Variants in FBN3 observed in about 807,000 individuals in gnomAD.
FBN3 encodes the protein fibrillin-3.
A neutral mutation model predicts 330.1 loss-of-function variants in FBN3; 234 were observed. That is an observed-to-expected ratio of 0.71 (90% CI 0.64 to 0.79). FBN3 has a LOEUF of 0.79. Among genes scored for constraint, FBN3 ranks in the 30% least tolerant of loss-of-function variants. The pLI is 0.00. For missense variants in FBN3, 3,606 were observed against 3,886.9 expected (o/e 0.93, Z 1.92); for synonymous variants, 1,458 against 1,517.3 (o/e 0.96, Z 0.91).
intron 40 of FBN3, 134 bp from the exon 41 acceptor site, chr19:8,101,106 C>A (rs2082318631): frequency 6.9e-6 from 4 of 577,282 alleles, no homozygotes; most frequent in Admixed American, 7.3e-5. Context: ...CTCTCCCCAC[C>A]CTTTCCCTCC....
At chr19:8,108,979 TTGAC>T (rs1171199810) in intron 36 of FBN3, among the ~76,000 whole-genome samples, 2 of 152,136 alleles carry the variant, frequency 1.3e-5, no homozygotes, top group African/African-American at 4.8e-5. Flanking sequence ...TCAATATTTG[TTGAC>T]TGACTGAGTG....
At position 8,109,315 on chromosome 19, in the gene FBN3, G is replaced by A. The variant is rs756961474; in HGVS notation, c.4530C>T (p.Ile1510=). The A allele has an allele frequency of 3.7e-5, 60 of 1,614,168 alleles. No homozygotes were observed. Among genetic ancestry groups the A allele is most frequent in the Admixed American group, 5.0e-5 (3 of 60,014 alleles). ...AGGAAGCTCGGGTGACACCAACTCC[G>A]ATCTCGGCACTGCAGGAAATGCCAC... ...GDSGISCSAE[I]GVGVTRASCC... is the part of the protein sequence containing the mutation. Residue 1510 remains isoleucine (I), a synonymous_variant, in exon 36 of 64, where the codon ATC becomes ATT. Transcript: ENST00000600128. The surrounding 1 kb of genome is among the most constrained non-coding windows in gnomAD (Gnocchi z 5.2).
chr19:8,147,482 G>A lies in FBN3; in HGVS notation c.-2C>T, dbSNP rs2083578757. On this transcript the variant is annotated 5_prime_UTR_variant, in exon 2 of 64. Coordinates refer to ENST00000600128, the MANE Select transcript of FBN3 (RefSeq NM_032447.5). ...CAAATACAGACCCTCCAGAGTCATGGCGTGTCCCCTGGAGGCTGCGGAGAG... is the reference window on the plus strand; with the variant it reads ...CAAATACAGACCCTCCAGAGTCATGACGTGTCCCCTGGAGGCTGCGGAGAG... 1.3e-6 allele frequency: 2 copies of A among 1,491,132 alleles called. No homozygotes were observed. The highest frequency in any genetic ancestry group is 1.8e-6 in the Non-Finnish European group (2 of 1,121,186). The allele number at this position is 1,491,132 out of a possible 1,614,324, so 92.4% of individuals were successfully genotyped here.
chr19:8,135,936 G>GGGGGGGGGGGGGGGGGGGCCCCCCCCCCC, intron 13 of FBN3, 25 bp downstream of exon 13: 11 of 668,750 alleles, frequency 1.6e-5, no homozygotes, highest in African/African-American at 2.0e-5. Context: ...GGAAGCCCCT[G>GGGGGGGGGGGGGGGGGGGCCCCCCCCCCC]CCCACCCGCC....
At position 8,096,816 on chromosome 19, in the gene FBN3, C is replaced by A. The variant is rs994142215; in HGVS notation, c.5413+65G>T. On this transcript the variant is annotated intron_variant, in intron 43 of 63. Coordinates refer to ENST00000600128, the MANE Select transcript of FBN3 (RefSeq NM_032447.5). This position sits in a 1 kb window ranked among gnomAD's most constrained non-coding sequence, Gnocchi z 4.6. The stretch of plus-strand genomic sequence containing the variant: ...GAGAAAGACCTGGACAGAGCCATAC[C>A]CCATCTAAGTCCCCATGGGTGACAG... The A allele has an allele frequency of 6.4e-6, 10 of 1,573,380 alleles. No homozygotes were observed. In the African/African-American group the frequency reaches 1.2e-4, roughly 19 times the overall value.
At chr19:8,144,261 C>T (rs967980517) in intron 6 of FBN3, among the ~76,000 whole-genome samples, 5 of 151,810 alleles carry the variant, frequency 3.3e-5, no homozygotes, top group East Asian at 1.9e-4. Context: ...ATTAGCTGAG[C>T]GTGGGGATGC....
Position 8,091,525 on chromosome 19 carries a change from T to A in FBN3, c.5971A>T (p.Ser1991Cys). Residue 1991 changes from serine (S) to cysteine (C), a missense_variant, in exon 48 of 64, where the codon AGC becomes TGC. Ser to Cys is a moderately radical substitution (Grantham distance 112). Transcript: ENST00000600128. Reference protein sequence around the residue: ...LFGTCTNSPGSFQCLCPPGFV... With the variant: ...LFGTCTNSPGCFQCLCPPGFV... ...CCAGGTGGGCAGAGGCACTGGAAGC[T>A]CCCAGGGCTGTTGGTACAGGTGCCA... is the stretch of plus-strand genomic sequence containing the variant. 1.9e-6 allele frequency: 3 copies of A among 1,614,112 alleles called. No homozygotes were observed. The South Asian group carries it at 3.3e-5, about 18-fold the overall frequency.
intron 36 of FBN3, 107 bp from the exon 37 acceptor site, chr19:8,108,345 A>C (rs1268520372): frequency 1.2e-6 from 1 of 825,086 alleles, no homozygotes; most frequent in Non-Finnish European, 1.9e-6. Flanking sequence ...GTGGGCTCCC[A>C]TCCTTCTACT....
chr19:8,140,824 G>A (rs939751656), intron 8 of FBN3, among the ~76,000 whole-genome samples: 3 of 151,986 alleles, frequency 2.0e-5, no homozygotes, highest in Admixed American at 6.6e-5. Context: ...AGGACCCCCC[G>A]CAGTCCAGGG....
Position 8,109,246 on chromosome 19 carries a change from C to G in FBN3, c.4599G>C (p.Leu1533=). 6.2e-7 allele frequency: 1 copy of G among 1,614,112 alleles called. No homozygotes were observed. The part of the protein sequence containing the change: ...LGRAWGNPCE[L]CPMANTTEYR... ...ACTCACTGGTGTTGGCCATAGGGCACAGCTCACAGGGATTGCCCCAAGCCC... is the reference window on the plus strand; with the variant it reads ...ACTCACTGGTGTTGGCCATAGGGCAGAGCTCACAGGGATTGCCCCAAGCCC... Residue 1533 remains leucine, a synonymous_variant, in exon 36 of 64, where the codon CTG becomes CTC. Coordinates refer to ENST00000600128, the MANE Select transcript of FBN3 (RefSeq NM_032447.5). The surrounding 1 kb of genome is among the most constrained non-coding windows in gnomAD (Gnocchi z 5.2).
intron 40 of FBN3, among the ~76,000 whole-genome samples, chr19:8,101,227 T>A (rs2082321337): frequency 6.6e-6 from 1 of 152,128 alleles, no homozygotes; most frequent in South Asian, 2.1e-4. Flanking sequence ...CAGGTTCAGG[T>A]GACCCTCCCA....
rs1369295826 is a variant in FBN3 at position 8,131,822 on chromosome 19, G to A, written c.1722C>T (p.Asp574=). The A allele has an allele frequency of 1.1e-5, 17 of 1,590,930 alleles. No individual in the cohort carries two copies. The highest frequency in any genetic ancestry group is 3.4e-5 in the South Asian group (3 of 88,922). Residue 574 remains aspartate, a synonymous_variant, in exon 15 of 64, where the codon GAC becomes GAT. Coordinates refer to ENST00000600128, the MANE Select transcript of FBN3 (RefSeq NM_032447.5). This position sits in a 1 kb window ranked among gnomAD's most constrained non-coding sequence, Gnocchi z 4.5. ...CGCAGATGCCGGGCGTCTGGCACTC[G>A]TCAATGTCTGCAGAAGCAGTGGCGG... ...APGGHYCMDI[D]ECQTPGICVN...
rs762896161 is a variant in FBN3, at chr19:8,065,819, G to A, written c.*100C>T. 14 of 996,782 alleles carry A rather than the reference G, an allele frequency of 1.4e-5. No homozygotes were observed. The highest frequency in any genetic ancestry group is 2.7e-5 in the Admixed American group (1 of 37,430). The allele number at this position is 996,782 out of a possible 1,614,324, so 61.7% of individuals were successfully genotyped here. ...TAGCATTTCACTCTTCCTGAGTTTC[G>A]GGGTTCAATCTGGTCAGCCATCGCT... On this transcript the variant is annotated 3_prime_UTR_variant, in exon 64 of 64. Transcript: ENST00000600128.
At chr19:8,090,489 T>G (rs1390370645) in intron 48 of FBN3, among the ~76,000 whole-genome samples, 18 of 114,876 alleles carry the variant, frequency 1.6e-4, no homozygotes, top group Admixed American at 9.6e-4. Context: ...TGGTGGTGGT[T>G]TTTTTTTTTT....
intron 59 of FBN3, among the ~76,000 whole-genome samples, chr19:8,079,418 AAAAC>A (rs34468969): frequency 3.3e-5 from 5 of 150,520 alleles, no homozygotes; most frequent in Admixed American, 6.6e-5. Context: ...CTCCATCTCT[AAAAC>A]AAACAAACAA....
Position 8,066,136 on chromosome 19 carries a change from C to A in FBN3, c.8213G>T (p.Arg2738Leu). ...CTCGTTTCCGCGGACGATGACGTAG[C>A]GGATCCGGCCCTCTAGACCCTCCAG... ...PALEGLEGRI[R>L]YVIVRGNEQG... The change falls in exon 64 of 64, where the codon CGC becomes CTC. Residue 2738 changes from arginine to leucine, a missense_variant. Transcript: ENST00000600128. The A allele has an allele frequency of 6.2e-7, 1 of 1,613,490 alleles. No individual in the cohort carries two copies. Among genetic ancestry groups the A allele is most frequent in the South Asian group, 1.1e-5 (1 of 91,080 alleles).
rs2082837669 is a variant in FBN3, at chr19:8,121,123, A to G, written c.3211+135T>C. 2.3e-6 allele frequency: 2 copies of G among 852,308 alleles called. No homozygotes were observed. Among genetic ancestry groups the G allele is most frequent in the Non-Finnish European group, 3.6e-6 (2 of 551,144 alleles). 52.8% of individuals were successfully genotyped at this position (852,308 alleles called of 1,614,324 possible). A position where few individuals can be genotyped will look rare whatever the true frequency, so the allele number is the denominator to read the frequency against. On this transcript the variant is annotated intron_variant, in intron 25 of 63. Coordinates refer to ENST00000600128, the MANE Select transcript of FBN3 (RefSeq NM_032447.5). This position sits in a 1 kb window ranked among gnomAD's most constrained non-coding sequence, Gnocchi z 4.5. ...ATGGAGCCCAGACTCACTGTACCTC[A>G]GCTAATTTACAGCTCCTCCCTCCTC...
chr19:8,142,248 T>C, intron 6 of FBN3, 111 bp from the exon 7 acceptor site: 1 of 787,070 alleles, frequency 1.3e-6, no homozygotes, highest in Non-Finnish European at 2.0e-6. Flanking sequence ...AGGCTTTACT[T>C]ATGCTGCTCC....
chr19:8,126,642 G>C (rs1306172886), intron 19 of FBN3, 37 bp from the exon 20 acceptor site: 1 of 1,601,352 alleles, frequency 6.2e-7, no homozygotes. Flanking sequence ...CTCACCTGCC[G>C]GCCCTACACC....
Sources: gnomAD v4.1 joint callset for allele counts (sites outside exome capture counted in the v4.1 genomes callset) on GRCh38, gnomAD v4.1.1 for gene constraint, Gnocchi (gnomAD v3.1) non-coding constraint, MANE v1.5 for transcripts, NCBI Gene and HGNC (gene_info 2026-07-23, HGNC 2026-07-21) for gene names.